BANP: variants seen among roughly 807,000 people sequenced by gnomAD.
BANP encodes BTG3 associated nuclear protein.
A neutral mutation model predicts 68.1 loss-of-function variants in BANP; 11 were observed. The observed-to-expected ratio is 0.16, with a 90% CI of 0.10 to 0.27. The LOEUF (loss-of-function observed/expected upper bound fraction) is 0.27, where lower values mean the gene tolerates loss of function less well. Ranked by LOEUF, BANP falls within the 10% of genes least tolerant of loss-of-function variation. The probability of loss-of-function intolerance (pLI) is 1.00; values close to 1 mark genes in which losing one functional copy is unlikely to be tolerated. For missense variants in BANP, 504 were observed against 722.7 expected (o/e 0.70, Z 3.47); for synonymous variants, 329 against 303.2 (o/e 1.09, Z -0.88).
At chr16:87,959,519 G>T (rs1188273859) in intron 1 of BANP, among the ~76,000 whole-genome samples, 1 of 152,222 alleles carries the variant, frequency 6.6e-6, no homozygotes, top group Admixed American at 6.5e-5. Flanking sequence ...GGAGGCGGCT[G>T]ACCAGGCTTG....
At chr16:88,010,013 A>G (rs1353364911) in intron 6 of BANP, among the ~76,000 whole-genome samples, 1 of 152,064 alleles carries the variant, frequency 6.6e-6, no homozygotes, top group Non-Finnish European at 1.5e-5. Flanking sequence ...TCATTGGAAT[A>G]AGGACGGTAG....
In BANP at chr16:88,004,384, C is replaced by T. The variant is rs748013437; in HGVS notation, c.452C>T (p.Pro151Leu). 1.9e-6 allele frequency: 3 copies of T among 1,543,468 alleles called. No individual in the cohort carries two copies. The highest frequency in any genetic ancestry group is 2.4e-5 in the South Asian group (2 of 83,702). The change falls in exon 5 of 14, where the codon CCG becomes CTG. Residue 151 changes from proline (P) to leucine (L), a missense_variant. This residue lies in a region of BANP where 238 missense variants were observed against 278.9 expected (regional missense o/e 0.85). Coordinates refer to ENST00000682872, the MANE Select transcript of BANP (RefSeq NM_001386991.1). This position sits in a 1 kb window ranked among gnomAD's most constrained non-coding sequence, Gnocchi z 7.0. ...GAAGACCCCTTGAGCAACAGGGCAC[C>T]GGATTCCCTGGAAAATGTCATTAGC... ...KMEDPLSNRA[P>L]DSLENVISNA...
intron 8 of BANP, among the ~76,000 whole-genome samples, chr16:88,028,972 C>T (rs146855475): frequency 0.012 from 1,883 of 152,168 alleles, 37 homozygotes; most frequent in African/African-American, 0.039. Flanking sequence ...CAGTTATTTC[C>T]AATAAGCACT....
chr16:88,006,036 G>T, intron 5 of BANP, 54 bp from the exon 6 acceptor site: 2 of 1,611,308 alleles, frequency 1.2e-6, no homozygotes, highest in African/African-American at 1.3e-5. Flanking sequence ...TGACCTTCGC[G>T]TGCTGCTTGC....
At chr16:88,025,394 G>C (rs1041624729) in intron 7 of BANP, among the ~76,000 whole-genome samples, 1 of 152,224 alleles carries the variant, frequency 6.6e-6, no homozygotes, top group Non-Finnish European at 1.5e-5. Flanking sequence ...AGGCGCCCGA[G>C]TCACCCAGCC....
chr16:88,065,119 C>T, intron 11 of BANP, 148 bp from the exon 12 acceptor site: 1 of 520,150 alleles, frequency 1.9e-6, no homozygotes. Flanking sequence ...TGGCTGGAGG[C>T]TCCTGTGGCT....
At chr16:88,020,953 AGTC>A (rs1333466347) in intron 7 of BANP, among the ~76,000 whole-genome samples, 1 of 152,120 alleles carries the variant, frequency 6.6e-6, no homozygotes, top group African/African-American at 2.4e-5. Context: ...GTATTCAGGG[AGTC>A]CATGTAGGGC....
chr16:88,050,330 AT>A (rs1227017316), intron 11 of BANP, among the ~76,000 whole-genome samples: 2 of 151,664 alleles, frequency 1.3e-5, no homozygotes, highest in African/African-American at 4.8e-5. Context: ...TGATTTTTGT[AT>A]TTTTTTGTAG....
intron 11 of BANP, among the ~76,000 whole-genome samples, chr16:88,039,303 C>T (rs867220431): frequency 3.4e-5 from 5 of 146,240 alleles, no homozygotes; most frequent in African/African-American, 1.2e-4. Context: ...TGTGCTCACT[C>T]CACTGGGGTA....
In BANP at chr16:88,064,002, T is replaced by G. The variant is rs749363962; in HGVS notation, c.1312-1265T>G. Among the ~76,000 whole-genome samples the G allele has an allele frequency of 6.6e-6, 1 of 152,206 alleles. No individual in the cohort carries two copies. Among genetic ancestry groups the G allele is most frequent in the Non-Finnish European group, 1.5e-5 (1 of 68,036 alleles). On this transcript the variant is annotated intron_variant, in intron 11 of 13. Transcript: ENST00000682872. The surrounding 1 kb of genome is among the most constrained non-coding windows in gnomAD (Gnocchi z 4.5). ...TTAGAAATGAGCGAAACACTTAATG[T>G]ACACTTAAGATTCGAAGAAAGAGGT...
intron 1 of BANP, chr16:87,956,992 G>A (rs2058186968): frequency 6.6e-6 from 1 of 152,232 alleles, no homozygotes; most frequent in Non-Finnish European, 1.5e-5. Context: ...TGTGCAGGAA[G>A]TGTTAACTCC....
chr16:88,039,989 A>G (rs1270458395), intron 11 of BANP, among the ~76,000 whole-genome samples: 1 of 152,170 alleles, frequency 6.6e-6, no homozygotes, highest in Non-Finnish European at 1.5e-5. Context: ...ATAATTTATA[A>G]ATCACCTGTT....
chr16:87,996,550 C>T (rs561084837), intron 4 of BANP, among the ~76,000 whole-genome samples: 2 of 128,266 alleles, frequency 1.6e-5, no homozygotes, highest in South Asian at 2.4e-4. Context: ...TGGTCCTGGG[C>T]GCCGGCTGGG....
intron 1 of BANP, chr16:87,963,473 GAT>G (rs1409788586): frequency 2.0e-5 from 3 of 152,278 alleles, no homozygotes; most frequent in African/African-American, 7.2e-5. Flanking sequence ...GCATGGATCT[GAT>G]CACGGGTAGG....
chr16:88,046,632 G>A (rs1392911058), intron 11 of BANP, among the ~76,000 whole-genome samples: 5 of 151,798 alleles, frequency 3.3e-5, no homozygotes, highest in African/African-American at 2.4e-5. Flanking sequence ...TGCAACCTCC[G>A]TCTCCCAGGT....
chr16:88,049,507 G>T (rs2082762277), intron 11 of BANP, among the ~76,000 whole-genome samples: 1 of 152,066 alleles, frequency 6.6e-6, no homozygotes, highest in African/African-American at 2.4e-5. Context: ...CTTCCCCAGG[G>T]TCTAGGGCAG....
intron 6 of BANP, among the ~76,000 whole-genome samples, chr16:88,013,273 G>C (rs2073669680): frequency 6.6e-6 from 1 of 152,242 alleles, no homozygotes; most frequent in Non-Finnish European, 1.5e-5. Context: ...TAGCTGCTGG[G>C]GTTACTGTGA....
In BANP at chr16:88,036,765, G is replaced by A. The variant is rs375559684; in HGVS notation, c.1273-1208G>A. Among the ~76,000 whole-genome samples the A allele has an allele frequency of 3.3e-5, 5 of 152,300 alleles. No homozygotes were observed. The East Asian group carries it at 5.8e-4, about 18-fold the overall frequency. On this transcript the variant is annotated intron_variant, in intron 10 of 13. Coordinates refer to ENST00000682872, the MANE Select transcript of BANP (RefSeq NM_001386991.1). This position sits in a 1 kb window ranked among gnomAD's most constrained non-coding sequence, Gnocchi z 4.2. ...GATGGATGGAAGGAAGCAGCAGGGC[G>A]GGGAGCAGGTAGGGGACGGTCCCAG...
intron 1 of BANP, among the ~76,000 whole-genome samples, chr16:87,968,763 A>G (rs116552888): frequency 0.011 from 1,710 of 152,234 alleles, 28 homozygotes; most frequent in African/African-American, 0.036. Context: ...TGTTGATCCT[A>G]GCACCAGTGT....
Sources: allele counts gnomAD v4.1 joint callset (sites outside exome capture counted in the v4.1 genomes callset), GRCh38; gene constraint gnomAD v4.1.1; regional missense constraint gnomAD v4.1.1; non-coding constraint Gnocchi (gnomAD v3.1); transcripts MANE v1.5; gene names NCBI Gene and HGNC (gene_info 2026-07-23, HGNC 2026-07-21).